TTC23: variants seen among roughly 807,000 people sequenced by gnomAD.
The protein encoded by TTC23 is tetratricopeptide repeat protein 23.
TTC23 carries 58 observed loss-of-function variants against 55.1 expected under a neutral mutation model. That is an observed-to-expected ratio of 1.05 (90% CI 0.85 to 1.31). The LOEUF is 1.31. Among genes scored for constraint, TTC23 ranks in the 50% most tolerant of loss-of-function variants. The probability of loss-of-function intolerance (pLI) is 0.00; values close to 1 mark genes in which losing one functional copy is unlikely to be tolerated. For synonymous variants in TTC23, 203 were observed against 199.9 expected, an observed-to-expected ratio of 1.02 and a Z score of -0.13; for missense variants, 516 against 534.4, an observed-to-expected ratio of 0.97 and a Z score of 0.34.
intron 5 of TTC23, among the ~76,000 whole-genome samples, chr15:99,224,904 G>A (rs2152060134): frequency 6.6e-6 from 1 of 152,330 alleles, no homozygotes; most frequent in South Asian, 2.1e-4. Context: ...TTAACTGGCT[G>A]TTTGTACTTC....
At chr15:99,148,974 G>T (rs1203873976) in intron 12 of TTC23, among the ~76,000 whole-genome samples, 1 of 152,174 alleles carries the variant, frequency 6.6e-6, no homozygotes, top group Non-Finnish European at 1.5e-5. Flanking sequence ...GGACCATTCA[G>T]TGCAGGAGGG....
At chr15:99,187,440 C>T (rs1596494586) in intron 9 of TTC23, among the ~76,000 whole-genome samples, 1 of 40,108 alleles carries the variant, frequency 2.5e-5, no homozygotes, top group Non-Finnish European at 4.5e-5. Context: ...GATGTGATGC[C>T]AAAAGCACAA....
intron 11 of TTC23, chr15:99,159,485 T>G (rs1171811941): frequency 6.6e-6 from 1 of 152,240 alleles, no homozygotes; most frequent in Non-Finnish European, 1.5e-5. Flanking sequence ...GGGAGAGGAA[T>G]CAGAGAAGCT....
At chr15:99,209,894 C>T (rs2076907785) in intron 8 of TTC23, among the ~76,000 whole-genome samples, 1 of 152,036 alleles carries the variant, frequency 6.6e-6, no homozygotes, top group South Asian at 2.1e-4. Context: ...GCTACAACGC[C>T]TGGCTAATTT....
intron 10 of TTC23, among the ~76,000 whole-genome samples, chr15:99,171,573 T>TC: frequency 6.8e-6 from 1 of 147,100 alleles, no homozygotes; most frequent in South Asian, 2.3e-4. Context: ...TTTTTTTTTT[T>TC]TTTTTTTTGA....
chr15:99,190,509 T>G (rs1005687528), intron 9 of TTC23, among the ~76,000 whole-genome samples: 1 of 152,200 alleles, frequency 6.6e-6, no homozygotes, highest in Non-Finnish European at 1.5e-5. Context: ...TGAACATATC[T>G]TCAAATGATT....
intron 4 of TTC23, among the ~76,000 whole-genome samples, chr15:99,231,410 G>C (rs1356198041): frequency 6.6e-6 from 1 of 152,232 alleles, no homozygotes; most frequent in Admixed American, 6.5e-5. Flanking sequence ...AGACCCTCCA[G>C]TGGGACAAGA....
intron 12 of TTC23, among the ~76,000 whole-genome samples, chr15:99,146,583 ACAGTTCTG>A (rs2151848908): frequency 6.6e-6 from 1 of 152,382 alleles, no homozygotes; most frequent in Admixed American, 6.5e-5. Context: ...GTCCAGACCC[ACAGTTCTG>A]CACCTCTCCA....
At chr15:99,203,401 A>G (rs2152002422) in intron 8 of TTC23, among the ~76,000 whole-genome samples, 1 of 152,264 alleles carries the variant, frequency 6.6e-6, no homozygotes, top group Non-Finnish European at 1.5e-5. Flanking sequence ...ATATAAGCAC[A>G]CAAAGTTAAT....
At position 99,218,938 on chromosome 15, in the gene TTC23, G is replaced by T. The variant is rs138663596; in HGVS notation, c.415C>A (p.Leu139Ile). ...NTDVFKFSIE[L>I]FHTMGRALLS... ...AAAGCTCTGCCCATGGTATGGAAAA[G>T]CTCAATGGAAAACTTGAAAACATCT... The change falls in exon 7 of 14, where the codon CTT becomes ATT. Residue 139 changes from leucine (L) to isoleucine (I), a missense_variant. By Grantham distance (5) the Leu-to-Ile change is conservative. Coordinates refer to ENST00000394132, the MANE Select transcript of TTC23 (RefSeq NM_001288615.3). 2 of 1,614,032 alleles carry T rather than the reference G, an allele frequency of 1.2e-6. No individual in the cohort carries two copies. The highest frequency in any genetic ancestry group is 1.7e-6 in the Non-Finnish European group (2 of 1,180,010).
chr15:99,202,436 A>C (rs2076277526), intron 8 of TTC23, among the ~76,000 whole-genome samples: 1 of 152,228 alleles, frequency 6.6e-6, no homozygotes, highest in African/African-American at 2.4e-5. Flanking sequence ...CATCTGGGCA[A>C]CTGCTTTTAA....
chr15:99,228,892 A>C (rs2078690108), intron 4 of TTC23, among the ~76,000 whole-genome samples, 160 bp from the exon 5 acceptor site: 1 of 146,692 alleles, frequency 6.8e-6, no homozygotes, highest in African/African-American at 2.5e-5. Context: ...TTCTACTTTC[A>C]ACTAAATTAA....
intron 8 of TTC23, among the ~76,000 whole-genome samples, chr15:99,214,790 G>C (rs890625257): frequency 8.7e-5 from 13 of 149,660 alleles, no homozygotes; most frequent in Non-Finnish European, 1.8e-4. Flanking sequence ...CTTTTGATAG[G>C]TTTATTTGCT....
At chr15:99,198,297 T>C (rs2151987483) in intron 9 of TTC23, among the ~76,000 whole-genome samples, 1 of 152,312 alleles carries the variant, frequency 6.6e-6, no homozygotes, top group Non-Finnish European at 1.5e-5. Context: ...CTGGTAGAAA[T>C]GGCACAAATA....
At chr15:99,182,076 C>T (rs578093190) in intron 9 of TTC23, among the ~76,000 whole-genome samples, 34 of 152,146 alleles carry the variant, frequency 2.2e-4, no homozygotes, top group African/African-American at 7.5e-4. Context: ...AGAGTATTAC[C>T]TGCATAGAAT....
At chr15:99,182,187 G>C (rs1391483454) in intron 9 of TTC23, among the ~76,000 whole-genome samples, 2 of 148,844 alleles carry the variant, frequency 1.3e-5, no homozygotes, top group African/African-American at 2.5e-5. Flanking sequence ...CCATTCCCAG[G>C]CTTACAGCTA....
chr15:99,139,690 A>G (rs1555489276), intron 12 of TTC23: 1 of 1,384,568 alleles, frequency 7.2e-7, no homozygotes, highest in Non-Finnish European at 9.6e-7. Flanking sequence ...GAACCTTGGT[A>G]CTGACCAGAG....
chr15:99,170,472 A>T (rs2072765309), intron 10 of TTC23, among the ~76,000 whole-genome samples: 1 of 152,178 alleles, frequency 6.6e-6, no homozygotes, highest in Non-Finnish European at 1.5e-5. Flanking sequence ...TAAGCACAGG[A>T]GAGCAGAGCT....
chr15:99,190,104 T>C lies in TTC23; in HGVS notation c.759+9815A>G, dbSNP rs933902242. Among the ~76,000 whole-genome samples, 5 of 151,924 alleles carry C rather than the reference T, an allele frequency of 3.3e-5. No homozygotes were observed. The East Asian group carries it at 9.7e-4, about 29-fold the overall frequency. The stretch of plus-strand genomic sequence containing the variant: ...GCTGAAGCAGGAGGATTGCTTGACC[T>C]GGGAGGGCGAGGCTGCAGTGAGCTG... On this transcript the variant is annotated intron_variant, in intron 9 of 13. Coordinates refer to ENST00000394132, the MANE Select transcript of TTC23 (RefSeq NM_001288615.3).
Sources: allele counts gnomAD v4.1 joint callset (sites outside exome capture counted in the v4.1 genomes callset), GRCh38; gene constraint gnomAD v4.1.1; transcripts MANE v1.5; gene names NCBI Gene and HGNC (gene_info 2026-07-23, HGNC 2026-07-21).